SEMA3D: variants seen among roughly 807,000 people sequenced by gnomAD.
The protein encoded by SEMA3D is semaphorin-3D.
A neutral mutation model predicts 100.1 loss-of-function variants in SEMA3D; 84 were observed. The ratio of observed to expected loss-of-function variants is 0.84; its 90% CI spans 0.70 to 1.01. The LOEUF (loss-of-function observed/expected upper bound fraction) is 1.01. SEMA3D is among the 50% of genes least tolerant of loss of function. The pLI is 0.00. For synonymous variants in SEMA3D, 312 were observed against 320.7 expected, an observed-to-expected ratio of 0.97 and a Z score of 0.29; for missense variants, 875 against 934.1, an observed-to-expected ratio of 0.94 and a Z score of 0.82.
At chr7:85,244,296 C>T in the SEMA3D span, among the ~76,000 whole-genome samples, 5 of 152,256 alleles carry the variant, frequency 3.3e-5, no homozygotes, top group East Asian at 7.7e-4. Flanking sequence ...AGTGAGGACT[C>T]GCTCACTCCT....
chr7:84,998,688 A>G lies in SEMA3D; in HGVS notation c.*752T>C, dbSNP rs1267008094. 9 of 152,214 alleles carry G rather than the reference A, an allele frequency of 5.9e-5. No homozygotes were observed. The Middle Eastern group carries it at 0.01, about 173-fold the overall frequency. The allele number at this position is 152,214 out of a possible 1,614,324, so 9.4% of individuals were successfully genotyped here. ...TTGTTTTATTAAAATATTTTCCCAT[A>G]TCTTATTAAAGTATTTATTAAGCAT... On this transcript the variant is annotated 3_prime_UTR_variant, in exon 19 of 19. Coordinates refer to ENST00000284136, the MANE Select transcript of SEMA3D (RefSeq NM_001384900.1).
chr7:85,073,930 T>C (rs558878301), intron 5 of SEMA3D, among the ~76,000 whole-genome samples: 1 of 152,380 alleles, frequency 6.6e-6, no homozygotes, highest in East Asian at 1.9e-4. Context: ...TCATTATCTT[T>C]AGAACTTAAT....
At chr7:85,050,663 A>G (rs557255915) in intron 9 of SEMA3D, 51 of 447,500 alleles carry the variant, frequency 1.1e-4, no homozygotes, top group African/African-American at 7.5e-4. Context: ...GCATTGTTCA[A>G]ATCATTTATG....
At chr7:85,199,970 T>C in the SEMA3D span, among the ~76,000 whole-genome samples, 3 of 152,212 alleles carry the variant, frequency 2.0e-5, 1 homozygote, top group Non-Finnish European at 4.4e-5. Flanking sequence ...ACAAACTCTC[T>C]CTTTTTCTCC....
intron 4 of SEMA3D, among the ~76,000 whole-genome samples, chr7:85,086,416 C>T (rs745631285): frequency 1.1e-4 from 17 of 151,256 alleles, no homozygotes; most frequent in African/African-American, 2.7e-4. Context: ...TCTAAAAACA[C>T]GAAAAACAAG....
the SEMA3D span, among the ~76,000 whole-genome samples, chr7:85,248,453 T>C: frequency 6.6e-6 from 1 of 152,148 alleles, no homozygotes; most frequent in African/African-American, 2.4e-5. Flanking sequence ...TACCATATGA[T>C]CCAGCAGTTG....
chr7:85,016,501 A>G (rs1412931196), intron 15 of SEMA3D, among the ~76,000 whole-genome samples: 4 of 151,370 alleles, frequency 2.6e-5, no homozygotes, highest in African/African-American at 9.7e-5. Context: ...TCATCACTTC[A>G]TTTCCATTCT....
chr7:85,087,655 A>G (rs1481651293), intron 4 of SEMA3D, among the ~76,000 whole-genome samples: 1 of 152,204 alleles, frequency 6.6e-6, no homozygotes, highest in East Asian at 1.9e-4. Context: ...TTCACTTGGA[A>G]ATAAGAGTTT....
At chr7:85,240,897 A>C in the SEMA3D span, among the ~76,000 whole-genome samples, 3 of 152,158 alleles carry the variant, frequency 2.0e-5, no homozygotes, top group Non-Finnish European at 2.9e-5. Flanking sequence ...GAGTAGGAGA[A>C]AATCTTCACA....
the SEMA3D span, among the ~76,000 whole-genome samples, chr7:85,201,300 C>T: frequency 2.0e-5 from 3 of 152,260 alleles, no homozygotes; most frequent in East Asian, 5.8e-4. Flanking sequence ...GCTTTGATCG[C>T]CTACACTTTT....
intron 6 of SEMA3D, among the ~76,000 whole-genome samples, chr7:85,069,598 G>C (rs961166652): frequency 1.3e-5 from 2 of 152,112 alleles, no homozygotes; most frequent in African/African-American, 4.8e-5. Context: ...TTATAAGATT[G>C]CTTCTATGAA....
chr7:85,128,031 CT>C (rs538316570), intron 2 of SEMA3D, among the ~76,000 whole-genome samples: 1,861 of 144,764 alleles, frequency 0.013, 42 homozygotes, highest in African/African-American at 0.045. Flanking sequence ...GGTATATCTG[CT>C]TTTTTTTTTA....
chr7:85,036,894 C>T lies in SEMA3D; in HGVS notation c.1186G>A (p.Gly396Ser), dbSNP rs1434549102. ...TTATTAAGTTGGATACATACTGTAC[C>T]AGGCCGTGGATAAGGAATTCTCCCA... is the stretch of plus-strand genomic sequence containing the variant. ...YDGRIPYPRPGTCPSKTYDPL... is the reference protein window; with the variant it reads ...YDGRIPYPRPSTCPSKTYDPL... The change falls in exon 12 of 19, where the codon GGT becomes AGT. Residue 396 changes from glycine to serine, a missense_variant. Physicochemically the swap from Gly to Ser is moderately conservative, Grantham distance 56. Coordinates refer to ENST00000284136, the MANE Select transcript of SEMA3D (RefSeq NM_001384900.1). The T allele has an allele frequency of 6.2e-7, 1 of 1,612,112 alleles. No individual in the cohort carries two copies. The highest frequency in any genetic ancestry group is 8.5e-7 in the Non-Finnish European group (1 of 1,178,776).
chr7:85,154,981 T>C (rs1369588842), intron 1 of SEMA3D, among the ~76,000 whole-genome samples: 1 of 152,226 alleles, frequency 6.6e-6, no homozygotes, highest in African/African-American at 2.4e-5. Context: ...ATGTTATTAC[T>C]GTCATCTCCA....
intron 5 of SEMA3D, among the ~76,000 whole-genome samples, chr7:85,078,020 A>T (rs73377885): frequency 2.6e-5 from 4 of 152,182 alleles, no homozygotes; most frequent in Admixed American, 2.6e-4. Flanking sequence ...ATTTAATGAC[A>T]TGGGAAAATG....
chr7:85,105,776 A>G (rs553950243), intron 3 of SEMA3D, among the ~76,000 whole-genome samples: 3 of 152,200 alleles, frequency 2.0e-5, no homozygotes, highest in African/African-American at 4.8e-5. Context: ...AACATTACCT[A>G]TATCAATAAT....
intron 6 of SEMA3D, among the ~76,000 whole-genome samples, chr7:85,071,933 C>G (rs1791785557): frequency 6.6e-6 from 1 of 152,192 alleles, no homozygotes; most frequent in Admixed American, 6.5e-5. Flanking sequence ...TGTCCTAAAG[C>G]TCAGTTGCTC....
At chr7:85,141,038 T>C (rs1790034452) in intron 2 of SEMA3D, 1 of 769,054 alleles carries the variant, frequency 1.3e-6, no homozygotes. Context: ...GTTAATTGTT[T>C]CCACTTTACT....
chr7:85,247,173 G>T, the SEMA3D span, among the ~76,000 whole-genome samples: 1 of 151,914 alleles, frequency 6.6e-6, no homozygotes, highest in Non-Finnish European at 1.5e-5. Context: ...TAAATGGCAA[G>T]AAATAACACA....
Sources: gnomAD v4.1 joint callset for allele counts (sites outside exome capture counted in the v4.1 genomes callset) on GRCh38, gnomAD v4.1.1 for gene constraint, MANE v1.5 for transcripts, NCBI Gene and HGNC (gene_info 2026-07-23, HGNC 2026-07-21) for gene names.